The following PTPRN2 variants were observed in gnomAD, a reference collection of about 807,000 sequenced individuals.
PTPRN2 encodes receptor-type tyrosine-protein phosphatase N2.
Under a neutral mutation model 118.8 loss-of-function variants are expected in PTPRN2, and 74 were observed. That is an observed-to-expected ratio of 0.62 (90% CI 0.52 to 0.76). The LOEUF (loss-of-function observed/expected upper bound fraction) is 0.76. Ranked by LOEUF, PTPRN2 falls within the 30% of genes least tolerant of loss-of-function variation. The probability of loss-of-function intolerance (pLI) is 0.00; values close to 1 mark genes in which losing one functional copy is unlikely to be tolerated. For missense variants in PTPRN2, 1,481 were observed against 1,394.4 expected (o/e 1.06, Z -0.99); for synonymous variants, 641 against 608.0 (o/e 1.05, Z -0.80).
At chr7:157,972,499 A>G (rs1400924570) in intron 11 of PTPRN2, among the ~76,000 whole-genome samples, 1 of 151,404 alleles carries the variant, frequency 6.6e-6, no homozygotes, top group African/African-American at 2.4e-5. Flanking sequence ...AGGGCTTCAG[A>G]GACCACGGGA....
At chr7:158,499,081 A>G (rs1822165739) in intron 1 of PTPRN2, among the ~76,000 whole-genome samples, 1 of 152,200 alleles carries the variant, frequency 6.6e-6, no homozygotes, top group African/African-American at 2.4e-5. Context: ...ATAGTTTCTC[A>G]GTCATTGTTA....
rs1585153293 is a variant in PTPRN2, at chr7:157,990,390, C to G, written c.1723+90908G>C. Among the ~76,000 whole-genome samples, 1 of 152,176 alleles carries G rather than the reference C, an allele frequency of 6.6e-6. No individual in the cohort carries two copies. On this transcript the variant is annotated intron_variant, in intron 11 of 22. Transcript: ENST00000389418. The surrounding 1 kb of genome is among the most constrained non-coding windows in gnomAD (Gnocchi z 4.3). ...GGCCAGGAATGCATCACGGCACCTG[C>G]GCACAGGGGTGGCCTCCAGGGGCTC...
intron 2 of PTPRN2, among the ~76,000 whole-genome samples, chr7:158,394,732 C>A (rs116575688): frequency 1.3e-5 from 2 of 152,344 alleles, no homozygotes; most frequent in African/African-American, 4.8e-5. Flanking sequence ...GACGGGGCGA[C>A]AAGGACTGTA....
In PTPRN2 at chr7:157,794,398, G is replaced by A. The variant is rs773992000; in HGVS notation, c.1788+104275C>T. ...CGGCCTACGGGCACTCGGGCAGTGC[G>A]GTGACCAATTATAGCGTCGACGATG... On this transcript the variant is annotated intron_variant, in intron 12 of 22. Coordinates refer to ENST00000389418, the MANE Select transcript of PTPRN2 (RefSeq NM_002847.5). The surrounding 1 kb of genome is among the most constrained non-coding windows in gnomAD (Gnocchi z 5.2). 7.9e-4 allele frequency among the ~76,000 whole-genome samples: 121 copies of A among 152,338 alleles called. No homozygotes were observed. The highest frequency in any genetic ancestry group is 1.2e-3 in the Non-Finnish European group (85 of 68,040).
chr7:158,248,986 A>G (rs1022450559), intron 3 of PTPRN2, among the ~76,000 whole-genome samples: 17 of 151,258 alleles, frequency 1.1e-4, no homozygotes, highest in Admixed American at 9.2e-4. Context: ...CACCACACAT[A>G]TGCACACATC....
At chr7:157,803,759 T>A (rs1159128009) in intron 12 of PTPRN2, among the ~76,000 whole-genome samples, 3 of 152,086 alleles carry the variant, frequency 2.0e-5, no homozygotes, top group Non-Finnish European at 4.4e-5. Context: ...CTGGACTCTC[T>A]GTTCCATTGA....
At chr7:157,544,106 G>C (rs112829500) in intron 22 of PTPRN2, among the ~76,000 whole-genome samples, 81 of 152,028 alleles carry the variant, frequency 5.3e-4, no homozygotes, top group African/African-American at 1.6e-3. Context: ...GAGGCGGAGA[G>C]AGGTGGAGAG....
At chr7:157,722,582 A>T (rs1237089232) in intron 12 of PTPRN2, among the ~76,000 whole-genome samples, 1 of 152,140 alleles carries the variant, frequency 6.6e-6, no homozygotes, top group Non-Finnish European at 1.5e-5. Flanking sequence ...TGTGGACTTG[A>T]CGCCAGAAGC....
chr7:157,909,043 T>G, intron 11 of PTPRN2, among the ~76,000 whole-genome samples: 1 of 152,282 alleles, frequency 6.6e-6, no homozygotes, highest in East Asian at 1.9e-4. Flanking sequence ...ATAAAATGCA[T>G]TTACAAATAA....
intron 2 of PTPRN2, among the ~76,000 whole-genome samples, chr7:158,489,019 C>T (rs1312530434): frequency 1.3e-5 from 2 of 152,274 alleles, no homozygotes; most frequent in African/African-American, 4.8e-5. Flanking sequence ...AGGGAAGGGG[C>T]TCTGCAGGAC....
intron 21 of PTPRN2, among the ~76,000 whole-genome samples, chr7:157,557,552 C>CCA (rs56360906): frequency 0.018 from 2,640 of 149,512 alleles, 76 homozygotes; most frequent in African/African-American, 0.06. Context: ...ACACACACTC[C>CCA]CACACACACA....
rs1011942018 is a variant in PTPRN2, at chr7:157,785,126, G to A, written c.1789-102189C>T. 5.9e-5 allele frequency among the ~76,000 whole-genome samples: 9 copies of A among 152,164 alleles called. No individual in the cohort carries two copies. The South Asian group carries it at 6.2e-4, about 11-fold the overall frequency. On this transcript the variant is annotated intron_variant, in intron 12 of 22. Transcript: ENST00000389418. This position sits in a 1 kb window ranked among gnomAD's most constrained non-coding sequence, Gnocchi z 7.3. ...GTTTCCAGAATGTTGGCACAGCGGC[G>A]AGAAGGCTGACCGAACACCGAGAAG...
At chr7:158,212,034 A>G (rs1258501974) in intron 3 of PTPRN2, among the ~76,000 whole-genome samples, 14 of 152,252 alleles carry the variant, frequency 9.2e-5, no homozygotes. Flanking sequence ...CTATTCAGCC[A>G]TAAAAAGGTG....
chr7:158,210,261 G>A (rs936123138), intron 3 of PTPRN2, among the ~76,000 whole-genome samples: 11 of 142,252 alleles, frequency 7.7e-5, no homozygotes, highest in Admixed American at 1.4e-4. Context: ...TCAGCCTCCC[G>A]AGTAGCTGGG....
intron 3 of PTPRN2, among the ~76,000 whole-genome samples, chr7:158,269,921 GAGAGAC>G (rs1201036705): frequency 9.0e-6 from 1 of 110,752 alleles, no homozygotes. Flanking sequence ...CAGAGAAACA[GAGAGAC>G]AGAGATAGAG....
intron 12 of PTPRN2, among the ~76,000 whole-genome samples, chr7:157,855,040 T>C (rs1454300607): frequency 7.1e-5 from 9 of 127,524 alleles, no homozygotes; most frequent in African/African-American, 1.2e-4. Context: ...CTGGCTTTGC[T>C]GTTGCAGGGG....
At chr7:157,688,889 A>G (rs1341747569) in intron 12 of PTPRN2, among the ~76,000 whole-genome samples, 1 of 152,154 alleles carries the variant, frequency 6.6e-6, no homozygotes, top group Non-Finnish European at 1.5e-5. Context: ...GGAGTCATAA[A>G]GATCAGGCCC....
intron 13 of PTPRN2, among the ~76,000 whole-genome samples, chr7:157,663,653 C>G (rs6965223): frequency 2.6e-5 from 4 of 152,110 alleles, no homozygotes; most frequent in African/African-American, 7.2e-5. Context: ...TCCCTCTCCA[C>G]CCTTCCCTGG....
At chr7:158,471,840 C>G (rs964221446) in intron 2 of PTPRN2, among the ~76,000 whole-genome samples, 2 of 152,248 alleles carry the variant, frequency 1.3e-5, no homozygotes, top group African/African-American at 4.8e-5. Flanking sequence ...TGGCGGGCGC[C>G]CCGGCCCCAG....
Sources: gnomAD v4.1 joint callset for allele counts (sites outside exome capture counted in the v4.1 genomes callset) on GRCh38, gnomAD v4.1.1 for gene constraint, Gnocchi (gnomAD v3.1) non-coding constraint, MANE v1.5 for transcripts, NCBI Gene and HGNC (gene_info 2026-07-23, HGNC 2026-07-21) for gene names.